Variants in TNS2 observed in about 807,000 individuals in gnomAD.
The protein encoded by TNS2 is tensin-2.
In TNS2, 77 loss-of-function variants were observed where a neutral mutation model predicts 155.7. That is an observed-to-expected ratio of 0.49 (90% CI 0.41 to 0.60). The LOEUF (loss-of-function observed/expected upper bound fraction) is 0.60. Among genes scored for constraint, TNS2 ranks in the 20% least tolerant of loss-of-function variants. The pLI is 0.00. For missense variants in TNS2, 1,703 were observed against 1,868.8 expected, an observed-to-expected ratio of 0.91 and a Z score of 1.64; for synonymous variants, 726 against 763.9, an observed-to-expected ratio of 0.95 and a Z score of 0.82.
chr12:53,064,245 A>C lies in TNS2; in HGVS notation c.*363A>C. On this transcript the variant is annotated 3_prime_UTR_variant, in exon 29 of 29. Coordinates refer to ENST00000314250, the MANE Select transcript of TNS2 (RefSeq NM_170754.4). ...ACCCAGCTGCAGGTGCCAGCACGGC[A>C]GGGATGGGAGAGGGGTGGGGAGCGA... The C allele has an allele frequency of 4.1e-6, 1 of 244,984 alleles. No homozygotes were observed. The highest frequency in any genetic ancestry group is 7.9e-6 in the Non-Finnish European group (1 of 126,534). The allele number at this position is 244,984 out of a possible 1,614,324, so 15.2% of individuals were successfully genotyped here.
rs1944442646 is a variant in TNS2, at chr12:53,063,302, G to A, written c.3992+45G>A. On this transcript the variant is annotated intron_variant, in intron 26 of 28. Transcript: ENST00000314250. This position sits in a 1 kb window ranked among gnomAD's most constrained non-coding sequence, Gnocchi z 5.6. ...TAGAACCCCATGCTTAAGGCCCCTG[G>A]GGGCTCATGTTTCTGAGTGTGACCT... 6.2e-7 allele frequency: 1 copy of A among 1,613,846 alleles called. No individual in the cohort carries two copies. The highest frequency in any genetic ancestry group is 8.5e-7 in the Non-Finnish European group (1 of 1,179,960).
chr12:53,052,202 T>G, intron 2 of TNS2: 2 of 608,960 alleles, frequency 3.3e-6, no homozygotes, highest in East Asian at 5.6e-5. Flanking sequence ...CTTGTGACGG[T>G]AGTCTTCCTT....
upstream of TNS2, chr12:53,049,956 C>T (rs1189183512): frequency 8.7e-6 from 10 of 1,146,754 alleles, no homozygotes; most frequent in Non-Finnish European, 4.7e-6. Flanking sequence ...AATCTGATCT[C>T]CTGGCCTCCC....
chr12:53,057,136 C>T, intron 11 of TNS2, 40 bp downstream of exon 11: 1 of 1,582,310 alleles, frequency 6.3e-7, no homozygotes, highest in Non-Finnish European at 8.6e-7. Context: ...GGAGCAGCTC[C>T]CTTCATGGCT....
At position 53,063,593 on chromosome 12, in the gene TNS2, G is replaced by C. The variant is rs1282812365; in HGVS notation, c.4091+1G>C. The C allele has an allele frequency of 3.1e-6, 5 of 1,613,548 alleles. No homozygotes were observed. Among genetic ancestry groups the C allele is most frequent in the Non-Finnish European group, 4.2e-6 (5 of 1,179,952 alleles). On this transcript the variant is annotated splice_donor_variant, in intron 28 of 28. Coordinates refer to ENST00000314250, the MANE Select transcript of TNS2 (RefSeq NM_170754.4). LOFTEE classifies it high-confidence loss of function. This position sits in a 1 kb window ranked among gnomAD's most constrained non-coding sequence, Gnocchi z 5.6. Reference sequence around the variant, plus strand: ...CCAACCCAGACGGGACCACCTCCAAGTAAGCCTCCCCACGAATTCAGCCTC... The same window carrying C: ...CCAACCCAGACGGGACCACCTCCAACTAAGCCTCCCCACGAATTCAGCCTC...
At chr12:53,052,168 C>A in intron 2 of TNS2, 1 of 607,748 alleles carries the variant, frequency 1.6e-6, no homozygotes, top group Non-Finnish European at 2.9e-6. Flanking sequence ...AGAGCCAGTA[C>A]TCTCCATCAC....
Position 53,061,897 on chromosome 12 carries a change from C to T in TNS2, c.3531C>T (p.Ala1177=). ...CATTCCAAGGAGCTTATGGGCTGGC[C>T]CTCAAGGTGGCCACACCGCCACCCA... The part of the protein sequence containing the change: ...SHSFQGAYGL[A]LKVATPPPSA... Residue 1177 remains alanine, a synonymous_variant, in exon 22 of 29, where the codon GCC becomes GCT. Coordinates refer to ENST00000314250, the MANE Select transcript of TNS2 (RefSeq NM_170754.4). 6.2e-7 allele frequency: 1 copy of T among 1,613,502 alleles called. No homozygotes were observed. Among genetic ancestry groups the T allele is most frequent in the Non-Finnish European group, 8.5e-7 (1 of 1,179,948 alleles).
chr12:53,054,546 C>A, intron 7 of TNS2, 105 bp downstream of exon 7: 1 of 624,352 alleles, frequency 1.6e-6, no homozygotes, highest in Non-Finnish European at 2.3e-6. Context: ...CGCCAGGGGG[C>A]GGGACCAGAG....
At chr12:53,056,184 T>C (rs904433124) in intron 10 of TNS2, 2 of 190,042 alleles carry the variant, frequency 1.1e-5, no homozygotes, top group African/African-American at 2.4e-5. Flanking sequence ...AAACCCCATC[T>C]CTACCAAAAA....
In TNS2 at chr12:53,055,807, C is replaced by G. The variant is rs749495661; in HGVS notation, c.723C>G (p.Ile241Met). Residue 241 changes from isoleucine to methionine, a missense_variant, in exon 10 of 29, where the codon ATC becomes ATG. Transcript: ENST00000314250. ...GAAACAAGGGCAAGCTTGGGGTCAT[C>G]GTTTCTGCCTACATGCACTACAGCA... ...CKGNKGKLGV[I>M]VSAYMHYSKI... 20 of 1,614,122 alleles carry G rather than the reference C, an allele frequency of 1.2e-5. No individual in the cohort carries two copies. In the South Asian group the frequency reaches 2.2e-4, roughly 18 times the overall value.
intron 10 of TNS2, 138 bp from the exon 11 acceptor site, chr12:53,056,875 C>G: frequency 1.3e-6 from 1 of 764,728 alleles, no homozygotes; most frequent in Admixed American, 2.6e-5. Flanking sequence ...CATGGTGCTT[C>G]TCATTCTCAT....
Position 53,063,318 on chromosome 12 carries a change from AGT to A in TNS2, c.3993-27_3993-26del. 6.2e-7 allele frequency: 1 copy of A among 1,613,824 alleles called. No homozygotes were observed. Among genetic ancestry groups the A allele is most frequent in the Admixed American group, 1.7e-5 (1 of 59,988 alleles). On this transcript the variant is annotated intron_variant, in intron 26 of 28. Coordinates refer to ENST00000314250, the MANE Select transcript of TNS2 (RefSeq NM_170754.4). This position sits in a 1 kb window ranked among gnomAD's most constrained non-coding sequence, Gnocchi z 5.6. ...AGGCCCCTGGGGGCTCATGTTTCTG[AGT>A]GTGACCTTCCTCACCCTCCTCCTTG...
Position 53,062,982 on chromosome 12 carries a change from A to G in TNS2, c.3824-107A>G, listed in dbSNP as rs1592260573. The G allele has an allele frequency of 5.7e-6, 8 of 1,391,908 alleles. No individual in the cohort carries two copies. In the East Asian group the frequency reaches 1.4e-4, roughly 24 times the overall value. 86.2% of individuals were successfully genotyped at this position (1,391,908 alleles called of 1,614,324 possible). ...AATCTGCCTTTTTAACAAGTCACCT[A>G]TGTGATTGTAAAGCATGTGACAGCA... On this transcript the variant is annotated intron_variant, in intron 25 of 28. Transcript: ENST00000314250.
At chr12:53,053,299 C>T in intron 3 of TNS2, 112 bp from the exon 4 acceptor site, 1 of 1,219,668 alleles carries the variant, frequency 8.2e-7, no homozygotes, top group Non-Finnish European at 1.2e-6. Flanking sequence ...GAGCCTGTGC[C>T]CATCCACTGA....
chr12:53,055,689 A>C lies in TNS2; in HGVS notation c.695A>C (p.Lys232Thr). 2 of 1,614,192 alleles carry C rather than the reference A, an allele frequency of 1.2e-6. No homozygotes were observed. The highest frequency in any genetic ancestry group is 8.5e-7 in the Non-Finnish European group (1 of 1,180,038). The change falls in exon 9 of 29, where the codon AAG becomes ACG. Residue 232 changes from lysine to threonine, a missense_variant and splice_region_variant. Coordinates refer to ENST00000314250, the MANE Select transcript of TNS2 (RefSeq NM_170754.4). ...DPQHVVVLYC[K>T]GNKGKLGVIV... ...CAGCACGTGGTCGTACTATACTGCA[A>C]GGTGGGCCAGGACCTCGGGTTCCCT...
intron 10 of TNS2, 56 bp downstream of exon 10, chr12:53,055,901 C>G: frequency 6.4e-7 from 1 of 1,561,084 alleles, no homozygotes; most frequent in Non-Finnish European, 8.7e-7. Context: ...CTCCAGCTGG[C>G]CCCTTAGGAA....
rs1345025955 is a variant in TNS2, at chr12:53,057,647, T to G, written c.926T>G (p.Ile309Ser). Residue 309 changes from isoleucine to serine, a missense_variant, in exon 12 of 29, where the codon ATC becomes AGC. Coordinates refer to ENST00000314250, the MANE Select transcript of TNS2 (RefSeq NM_170754.4). The part of the protein sequence containing the change: ...SSPLFLHYVL[I>S]PMLPAFEPGT... The stretch of plus-strand genomic sequence containing the variant: ...CCTCTCTTCCTGCACTATGTGCTCA[T>G]CCCCATGCTGCCAGCCTTTGAACCT... 6.2e-7 allele frequency: 1 copy of G among 1,614,124 alleles called. No individual in the cohort carries two copies. The highest frequency in any genetic ancestry group is 1.1e-5 in the South Asian group (1 of 91,076).
chr12:53,054,462 G>T, intron 7 of TNS2, 21 bp downstream of exon 7: 1 of 1,581,106 alleles, frequency 6.3e-7, no homozygotes, highest in East Asian at 2.3e-5. Context: ...GGGCCATCAG[G>T]AGTCCGCCAA....
chr12:53,054,860 T>A (rs1320729429), intron 7 of TNS2, among the ~76,000 whole-genome samples: 1 of 144,882 alleles, frequency 6.9e-6, no homozygotes, highest in Non-Finnish European at 1.5e-5. Context: ...TTTTTTTTTT[T>A]TTTTTTGTAT....
Sources: gnomAD v4.1 joint callset for allele counts (sites outside exome capture counted in the v4.1 genomes callset) on GRCh38, gnomAD v4.1.1 for gene constraint, Gnocchi (gnomAD v3.1) non-coding constraint, MANE v1.5 for transcripts, NCBI Gene and HGNC (gene_info 2026-07-23, HGNC 2026-07-21) for gene names.